ACAD11: variants seen among roughly 807,000 people sequenced by gnomAD.
The protein encoded by ACAD11 is acyl-Coenzyme A dehydrogenase family, member 11.
A neutral mutation model predicts 102.2 loss-of-function variants in ACAD11; 83 were observed. The ratio of observed to expected loss-of-function variants is 0.81; its 90% CI spans 0.68 to 0.97. ACAD11 has a LOEUF of 0.97. ACAD11 is among the 50% of genes least tolerant of loss of function. The pLI is 0.00. For synonymous variants in ACAD11, 324 were observed against 319.8 expected, an observed-to-expected ratio of 1.01 and a Z score of -0.14; for missense variants, 901 against 951.7, an observed-to-expected ratio of 0.95 and a Z score of 0.70.
At position 132,618,720 on chromosome 3, in the gene ACAD11, C is replaced by T. The variant is rs761210239; in HGVS notation, c.1328G>A (p.Gly443Glu). The T allele has an allele frequency of 1.9e-6, 3 of 1,601,242 alleles. No individual in the cohort carries two copies. The highest frequency in any genetic ancestry group is 2.6e-6 in the Non-Finnish European group (3 of 1,174,966). ...LWNLFLPAVS[G>E]LSHVDYALIA... ...CAAGGCATAGTCCACGTGGCTGAGT[C>T]CGCTGACAGCTGGCAAAAACAAGTT... Residue 443 changes from glycine (G) to glutamate (E), a missense_variant, in exon 11 of 20, where the codon GGA becomes GAA. Gly to Glu is a moderately conservative substitution (Grantham distance 98, BLOSUM62 -2). Transcript: ENST00000264990.
intron 17 of ACAD11, among the ~76,000 whole-genome samples, chr3:132,574,156 G>A (rs1376545566): frequency 6.6e-6 from 1 of 152,158 alleles, no homozygotes; most frequent in African/African-American, 2.4e-5. Context: ...TTGCACAGAG[G>A]GCTTTTGTGC....
intron 13 of ACAD11, among the ~76,000 whole-genome samples, chr3:132,599,807 AAGG>A (rs1938486834): frequency 6.6e-6 from 1 of 152,148 alleles, no homozygotes; most frequent in South Asian, 2.1e-4. Flanking sequence ...AAGTTGGCTA[AAGG>A]AGATCTTGTT....
At chr3:132,623,895 C>T (rs1239491856) in intron 9 of ACAD11, among the ~76,000 whole-genome samples, 2 of 152,144 alleles carry the variant, frequency 1.3e-5, no homozygotes, top group African/African-American at 4.8e-5. Context: ...CAAGTACTAG[C>T]ATGCTATCAG....
At chr3:132,630,392 C>A (rs761530263) in intron 7 of ACAD11, 45 bp downstream of exon 7, 8 of 1,582,186 alleles carry the variant, frequency 5.1e-6, no homozygotes, top group African/African-American at 4.1e-5. Context: ...GTCAACAGTA[C>A]ACTGGTAAAT....
chr3:132,625,365 A>T (rs929846129), intron 9 of ACAD11, among the ~76,000 whole-genome samples: 1 of 152,176 alleles, frequency 6.6e-6, no homozygotes, highest in Non-Finnish European at 1.5e-5. Flanking sequence ...TCCATTTTAT[A>T]AAAAAACTTA....
intron 1 of ACAD11, among the ~76,000 whole-genome samples, chr3:132,652,824 G>A (rs1940979580): frequency 6.6e-6 from 1 of 152,076 alleles, no homozygotes; most frequent in Non-Finnish European, 1.5e-5. Context: ...CAGTGTGTAG[G>A]TGGGGGTAAA....
intron 1 of ACAD11, chr3:132,646,477 G>T (rs969950819): frequency 6.6e-6 from 1 of 152,164 alleles, no homozygotes; most frequent in Non-Finnish European, 1.5e-5. Flanking sequence ...CAGTTCTCTA[G>T]TCTTATATAA....
At chr3:132,611,758 T>A (rs1420430321) in intron 11 of ACAD11, among the ~76,000 whole-genome samples, 1 of 152,012 alleles carries the variant, frequency 6.6e-6, no homozygotes, top group Non-Finnish European at 1.5e-5. Flanking sequence ...TTCCATGCTC[T>A]TGGGTAGGAA....
intron 17 of ACAD11, among the ~76,000 whole-genome samples, chr3:132,569,498 T>C (rs1268517974): frequency 6.6e-6 from 1 of 152,140 alleles, no homozygotes; most frequent in Non-Finnish European, 1.5e-5. Flanking sequence ...AAAAATTATA[T>C]TTACACAAAA....
chr3:132,588,070 T>C (rs1434529651), intron 13 of ACAD11, among the ~76,000 whole-genome samples: 1 of 152,174 alleles, frequency 6.6e-6, no homozygotes, highest in Non-Finnish European at 1.5e-5. Context: ...TTCCACACTG[T>C]TTCCTCAGGC....
Position 132,628,430 on chromosome 3 carries a change from T to C in ACAD11, c.980A>G (p.Tyr327Cys), listed in dbSNP as rs1232149790. 6.2e-6 allele frequency: 10 copies of C among 1,606,246 alleles called. No homozygotes were observed. Among genetic ancestry groups the C allele is most frequent in the Non-Finnish European group, 8.5e-6 (10 of 1,174,498 alleles). Residue 327 changes from tyrosine to cysteine, a missense_variant, in exon 8 of 20, where the codon TAT becomes TGT. Tyr to Cys is a radical substitution (Grantham distance 194). Transcript: ENST00000264990. ...AGIAQGVYSR[Y>C]LLGNNSSEDS... The stretch of plus-strand genomic sequence containing the variant: ...CTCAGATGAATTATTTCCCAGAAGA[T>C]ATCTGCTATATACTCCCTATAAATA...
chr3:132,625,115 C>T (rs1014288267), intron 9 of ACAD11, among the ~76,000 whole-genome samples: 3 of 152,168 alleles, frequency 2.0e-5, no homozygotes, highest in African/African-American at 7.2e-5. Context: ...ATCTTGATTT[C>T]TTTTCCTCTT....
intron 5 of ACAD11, among the ~76,000 whole-genome samples, chr3:132,633,756 A>G (rs1940151709): frequency 6.6e-6 from 1 of 152,206 alleles, no homozygotes; most frequent in East Asian, 1.9e-4. Flanking sequence ...AATACCACAC[A>G]TCTACAACTA....
Position 132,568,801 on chromosome 3 carries a change from CAAAAAAAAAAAAAAAA to C in ACAD11, c.2001+6955_2001+6970del, listed in dbSNP as rs755568917. Among the ~76,000 whole-genome samples the C allele has an allele frequency of 2.6e-4, 18 of 68,680 alleles. No individual in the cohort carries two copies. The Admixed American group carries it at 2.7e-3, about 10-fold the overall frequency. 45.1% of individuals were successfully genotyped at this position (68,680 alleles called of 152,430 possible). On this transcript the variant is annotated intron_variant, in intron 17 of 19. Transcript: ENST00000264990. Reference sequence around the variant, plus strand: ...GCTGAAGCAATTGGACATCCACAGGCAAAAAAAAAAAAAAAAAAAAAAAAAAGAAGCTTGACCTAAG... The same window carrying C: ...GCTGAAGCAATTGGACATCCACAGGCAAAAAAAAAAGAAGCTTGACCTAAG...
At chr3:132,620,732 A>T (rs1219028420) in intron 9 of ACAD11, among the ~76,000 whole-genome samples, 2 of 152,244 alleles carry the variant, frequency 1.3e-5, no homozygotes, top group African/African-American at 4.8e-5. Flanking sequence ...AACCATAGAG[A>T]TGAAACTTAA....
chr3:132,572,690 A>G (rs1356608789), intron 17 of ACAD11, among the ~76,000 whole-genome samples: 3 of 152,208 alleles, frequency 2.0e-5, no homozygotes, highest in Admixed American at 2.0e-4. Context: ...TGTTACAAAA[A>G]CAGGTACATA....
intron 5 of ACAD11, among the ~76,000 whole-genome samples, chr3:132,636,244 G>A (rs1940271884): frequency 6.6e-6 from 1 of 152,152 alleles, no homozygotes; most frequent in Non-Finnish European, 1.5e-5. Flanking sequence ...ATAACTTTTA[G>A]TGGTTGATCT....
chr3:132,577,652 C>T (rs150484318), intron 15 of ACAD11, among the ~76,000 whole-genome samples: 1 of 152,280 alleles, frequency 6.6e-6, no homozygotes, highest in East Asian at 1.9e-4. Flanking sequence ...ATCACCCCTT[C>T]TCCCTGCCAA....
intron 13 of ACAD11, chr3:132,600,366 C>A (rs1938513561): frequency 6.5e-7 from 1 of 1,526,784 alleles, no homozygotes; most frequent in Non-Finnish European, 8.8e-7. Flanking sequence ...AAATATCTAT[C>A]CTGTATTCTC....
Sources: allele counts gnomAD v4.1 joint callset (sites outside exome capture counted in the v4.1 genomes callset), GRCh38; gene constraint gnomAD v4.1.1; transcripts MANE v1.5; gene names NCBI Gene and HGNC (gene_info 2026-07-23, HGNC 2026-07-21).